Variants in FAM135A observed in about 807,000 individuals in gnomAD.
The protein encoded by FAM135A is protein FAM135A.
A neutral mutation model predicts 146.8 loss-of-function variants in FAM135A; 79 were observed. That is an observed-to-expected ratio of 0.54 (90% CI 0.45 to 0.65). FAM135A has a LOEUF of 0.65. Ranked by LOEUF, FAM135A falls within the 30% of genes least tolerant of loss-of-function variation. The pLI, the probability that FAM135A is intolerant of heterozygous loss-of-function variation, is 0.00. For missense variants in FAM135A, 1,623 were observed against 1,758.2 expected (o/e 0.92, Z 1.38); for synonymous variants, 562 against 603.6 (o/e 0.93, Z 1.01).
At chr6:70,520,868 A>G (rs768841394) in intron 12 of FAM135A, among the ~76,000 whole-genome samples, 2 of 152,232 alleles carry the variant, frequency 1.3e-5, no homozygotes, top group Non-Finnish European at 2.9e-5. Flanking sequence ...GAATTTAGAA[A>G]GAACTTCATT....
chr6:70,439,006 C>A (rs1001092108), intron 4 of FAM135A, among the ~76,000 whole-genome samples: 2 of 152,000 alleles, frequency 1.3e-5, no homozygotes, highest in African/African-American at 4.8e-5. Context: ...AAAAAAATTA[C>A]AAAAACAAAC....
chr6:70,524,243 G>C, intron 14 of FAM135A, 100 bp from the exon 15 acceptor site: 1 of 1,387,694 alleles, frequency 7.2e-7, no homozygotes, highest in Middle Eastern at 2.2e-4. Context: ...TTTTATTTAT[G>C]TTTGAGGATA....
At position 70,475,706 on chromosome 6, in the gene FAM135A, A is replaced by C; in HGVS notation, c.341A>C (p.Asp114Ala). 2 of 1,610,988 alleles carry C rather than the reference A, an allele frequency of 1.2e-6. No individual in the cohort carries two copies. The highest frequency in any genetic ancestry group is 1.1e-5 in the South Asian group (1 of 90,580). ...GAAATGAATTTTCTATTATCCTTGG[A>C]TCTACACTTCACAGATGGAGATTAT... ...LEEMNFLLSL[D>A]LHFTDGDYSA... Residue 114 changes from aspartate (D) to alanine (A), a missense_variant, in exon 7 of 22, where the codon GAT becomes GCT. Physicochemically the swap from Asp to Ala is moderately radical, Grantham distance 126. Around this residue, in one of 7 missense-constraint regions of FAM135A, gnomAD observed 171 missense variants for 164.9 expected, o/e 1.04. Transcript: ENST00000418814.
At chr6:70,462,298 A>G (rs1779588533) in intron 5 of FAM135A, among the ~76,000 whole-genome samples, 1 of 152,218 alleles carries the variant, frequency 6.6e-6, no homozygotes, top group African/African-American at 2.4e-5. Context: ...ACGGCCAAGC[A>G]CAGGCTGTGG....
At chr6:70,434,702 C>T (rs9446248) in intron 4 of FAM135A, among the ~76,000 whole-genome samples, 30,673 of 152,010 alleles carry the variant, frequency 0.2, 3,391 homozygotes, top group African/African-American at 0.29. Flanking sequence ...ATTTAGAAGA[C>T]ATTTAGAAGA....
Position 70,556,851 on chromosome 6 carries a change from G to GA in FAM135A, c.4331dup (p.Asp1444GlufsTer26). 1 of 1,613,374 alleles carries GA rather than the reference G, an allele frequency of 6.2e-7. No individual in the cohort carries two copies. Among genetic ancestry groups the GA allele is most frequent in the Non-Finnish European group, 8.5e-7 (1 of 1,179,752 alleles). ...TGAAATGTGTAAAACAGCTTTAAAGGACAAACAGTCAGGTAATGGAATAAA... is the reference window on the plus strand; with the variant it reads ...TGAAATGTGTAAAACAGCTTTAAAGGAACAAACAGTCAGGTAATGGAATAAA... On this transcript the variant is annotated frameshift_variant, in exon 21 of 22. Coordinates refer to ENST00000418814, the MANE Select transcript of FAM135A (RefSeq NM_001162529.3). LOFTEE classifies it high-confidence loss of function.
At chr6:70,438,656 C>T (rs912036609) in intron 4 of FAM135A, among the ~76,000 whole-genome samples, 1 of 152,022 alleles carries the variant, frequency 6.6e-6, no homozygotes, top group African/African-American at 2.4e-5. Context: ...TTTGGATTCA[C>T]GAGAAGCTGT....
rs1332093443 is a variant in FAM135A, at chr6:70,524,698, T to C, written c.1614T>C (p.Phe538=). The part of the protein sequence containing the change: ...STASNDLIKC[F]EGNPSHSQKE... ...CATCAAATGATCTCATTAAATGCTT[T>C]GAAGGCAATCCTTCACATAGTCAGA... The change falls in exon 15 of 22, where the codon TTT becomes TTC. Residue 538 remains phenylalanine, a synonymous_variant. Coordinates refer to ENST00000418814, the MANE Select transcript of FAM135A (RefSeq NM_001162529.3). 6.4e-7 allele frequency: 1 copy of C among 1,550,596 alleles called. No individual in the cohort carries two copies. Among genetic ancestry groups the C allele is most frequent in the Admixed American group, 2.0e-5 (1 of 50,840 alleles).
Position 70,559,866 on chromosome 6 carries a change from C to T in FAM135A, c.4493C>T (p.Ser1498Leu), listed in dbSNP as rs755261996. The change falls in exon 22 of 22, where the codon TCG becomes TTG. Residue 1498 changes from serine to leucine, a missense_variant. Around this residue, in one of 7 missense-constraint regions of FAM135A, gnomAD observed 138 missense variants for 174.1 expected, o/e 0.79. Coordinates refer to ENST00000418814, the MANE Select transcript of FAM135A (RefSeq NM_001162529.3). ...GCTGCACATATAGCTGTTCTTGATTCGGAAATATTTTTAGAGAAATTCTTT... is the reference window on the plus strand; with the variant it reads ...GCTGCACATATAGCTGTTCTTGATTTGGAAATATTTTTAGAGAAATTCTTT... ...GRAAHIAVLD[S>L]EIFLEKFFLV... 4 of 1,613,914 alleles carry T rather than the reference C, an allele frequency of 2.5e-6. No homozygotes were observed. Among genetic ancestry groups the T allele is most frequent in the South Asian group, 1.1e-5 (1 of 91,074 alleles).
At chr6:70,417,897 C>T (rs1276981738) in intron 2 of FAM135A, among the ~76,000 whole-genome samples, 1 of 152,202 alleles carries the variant, frequency 6.6e-6, no homozygotes, top group Non-Finnish European at 1.5e-5. Flanking sequence ...GTATCATCAA[C>T]AGAGAAACAT....
chr6:70,432,181 C>A (rs927122135), intron 4 of FAM135A, among the ~76,000 whole-genome samples: 16 of 152,074 alleles, frequency 1.1e-4, no homozygotes, highest in African/African-American at 3.6e-4. Flanking sequence ...CCACTAACCT[C>A]AGTATTTTAT....
Position 70,525,936 on chromosome 6 carries a change from T to C in FAM135A, c.2852T>C (p.Phe951Ser). Residue 951 changes from phenylalanine to serine, a missense_variant, in exon 15 of 22, where the codon TTC becomes TCC. By Grantham distance (155) the Phe-to-Ser change is radical. Around this residue, in one of 7 missense-constraint regions of FAM135A, gnomAD observed 1,061 missense variants for 1,113.8 expected, o/e 0.95. Transcript: ENST00000418814. ...AACTTGGATACTATGTGTAAAGGCT[T>C]CCAGAGTCCTGATAAATCTAATAAC... Reference protein sequence around the residue: ...KPNLDTMCKGFQSPDKSNNST... With the variant: ...KPNLDTMCKGSQSPDKSNNST... 1 of 1,613,468 alleles carries C rather than the reference T, an allele frequency of 6.2e-7. No homozygotes were observed. The highest frequency in any genetic ancestry group is 8.5e-7 in the Non-Finnish European group (1 of 1,179,616).
rs1193867221 is a variant in FAM135A, at chr6:70,415,347, A to G, written c.-163A>G. 1 of 152,176 alleles carries G rather than the reference A, an allele frequency of 6.6e-6. No individual in the cohort carries two copies. The highest frequency in any genetic ancestry group is 1.5e-5 in the Non-Finnish European group (1 of 68,018). The allele number at this position is 152,176 out of a possible 1,614,324, so 9.4% of individuals were successfully genotyped here. On this transcript the variant is annotated 5_prime_UTR_variant, in exon 2 of 22. Coordinates refer to ENST00000418814, the MANE Select transcript of FAM135A (RefSeq NM_001162529.3). ...TCTGGAATCTCAAAGCAGTCCACAAACAAATTCTTCCTTATGTTGTCTGTG... is the reference window on the plus strand; with the variant it reads ...TCTGGAATCTCAAAGCAGTCCACAAGCAAATTCTTCCTTATGTTGTCTGTG...
Position 70,536,327 on chromosome 6 carries a change from T to C in FAM135A, c.4033T>C (p.Tyr1345His). 6.2e-7 allele frequency: 1 copy of C among 1,613,530 alleles called. No individual in the cohort carries two copies. The highest frequency in any genetic ancestry group is 8.5e-7 in the Non-Finnish European group (1 of 1,179,706). ...GCTTACAAGGCCAAGGTTTAAATAT[T>C]ACCTCAACAAACTTCATACCTTTCT... Reference protein sequence around the residue: ...SVLTRPRFKYYLNKLHTFLSL... With the variant: ...SVLTRPRFKYHLNKLHTFLSL... Residue 1345 changes from tyrosine (Y) to histidine (H), a missense_variant, in exon 19 of 22, where the codon TAC becomes CAC. Transcript: ENST00000418814.
At chr6:70,547,399 C>G (rs994435314) in intron 20 of FAM135A, among the ~76,000 whole-genome samples, 1 of 152,066 alleles carries the variant, frequency 6.6e-6, no homozygotes, top group African/African-American at 2.4e-5. Flanking sequence ...TTTAAAAGTA[C>G]AGAGTTTTCT....
At chr6:70,538,840 A>ATTATGTTATG (rs1436277658) in intron 20 of FAM135A, among the ~76,000 whole-genome samples, 4 of 146,378 alleles carry the variant, frequency 2.7e-5, no homozygotes, top group African/African-American at 1.0e-4. Context: ...ATTATATTAT[A>ATTATGTTATG]TTATATTATA....
chr6:70,421,564 C>A (rs1377854823), intron 2 of FAM135A, among the ~76,000 whole-genome samples: 1 of 152,180 alleles, frequency 6.6e-6, no homozygotes, highest in Non-Finnish European at 1.5e-5. Context: ...CAAATCCCTT[C>A]TTGTCTCTAA....
At chr6:70,486,249 G>A (rs753917224) in intron 10 of FAM135A, 14 of 1,612,430 alleles carry the variant, frequency 8.7e-6, no homozygotes, top group Admixed American at 8.4e-5. Flanking sequence ...ATCTAGGTAC[G>A]TTTACAAATA....
chr6:70,494,425 A>G (rs72917956), intron 11 of FAM135A, among the ~76,000 whole-genome samples: 23 of 151,612 alleles, frequency 1.5e-4, no homozygotes, highest in Non-Finnish European at 2.8e-4. Flanking sequence ...AGTCCAGGAA[A>G]TGAGACTGTA....
Sources: allele counts gnomAD v4.1 joint callset (sites outside exome capture counted in the v4.1 genomes callset), GRCh38; gene constraint gnomAD v4.1.1; regional missense constraint gnomAD v4.1.1; transcripts MANE v1.5; gene names NCBI Gene and HGNC (gene_info 2026-07-23, HGNC 2026-07-21).